RABGAP1L: variants seen among roughly 807,000 people sequenced by gnomAD.
RABGAP1L encodes rab GTPase-activating protein 1-like.
Under a neutral mutation model 137.7 loss-of-function variants are expected in RABGAP1L, and 63 were observed. That is an observed-to-expected ratio of 0.46 (90% CI 0.37 to 0.56). RABGAP1L has a LOEUF of 0.56. Ranked by LOEUF, RABGAP1L falls within the 20% of genes least tolerant of loss-of-function variation. The pLI, the probability that RABGAP1L is intolerant of heterozygous loss-of-function variation, is 0.00. For synonymous variants in RABGAP1L, 431 were observed against 433.7 expected, an observed-to-expected ratio of 0.99 and a Z score of 0.08; for missense variants, 1,095 against 1,244.0, an observed-to-expected ratio of 0.88 and a Z score of 1.80.
chr1:174,254,541 T>C (rs1672962508), intron 7 of RABGAP1L, among the ~76,000 whole-genome samples: 1 of 152,164 alleles, frequency 6.6e-6, no homozygotes, highest in Non-Finnish European at 1.5e-5. Flanking sequence ...CTTGTGTCCA[T>C]GTGTTCTCAT....
At chr1:174,260,357 A>C (rs1471296683) in intron 7 of RABGAP1L, among the ~76,000 whole-genome samples, 1 of 152,218 alleles carries the variant, frequency 6.6e-6, no homozygotes, top group East Asian at 1.9e-4. Flanking sequence ...TTTTCAGCAG[A>C]ATTTAAAAGT....
At chr1:174,500,178 C>T (rs1400306843) in intron 13 of RABGAP1L, among the ~76,000 whole-genome samples, 1 of 151,692 alleles carries the variant, frequency 6.6e-6, no homozygotes, top group Admixed American at 6.6e-5. Flanking sequence ...CTCCCGGGTT[C>T]AAGCGATTCT....
At chr1:174,662,121 T>TTTTTTTTTTTTTTTTTG (rs59243192) in intron 14 of RABGAP1L, among the ~76,000 whole-genome samples, 1 of 135,224 alleles carries the variant, frequency 7.4e-6, no homozygotes, top group African/African-American at 3.0e-5. Flanking sequence ...TTTTTTTTTT[T>TTTTTTTTTTTTTTTTTG]GAGTTGGAGT....
At chr1:174,212,273 A>C (rs902580937) in intron 1 of RABGAP1L, among the ~76,000 whole-genome samples, 1 of 152,118 alleles carries the variant, frequency 6.6e-6, no homozygotes, top group Admixed American at 6.5e-5. Flanking sequence ...AATATCAAGC[A>C]TTGTCTCTGA....
At chr1:174,259,769 A>G (rs1571819832) in intron 7 of RABGAP1L, among the ~76,000 whole-genome samples, 2 of 152,072 alleles carry the variant, frequency 1.3e-5, no homozygotes, top group Admixed American at 1.3e-4. Context: ...TTTAATGAAC[A>G]CTTACTATTT....
At chr1:174,238,478 C>T (rs1303668168) in intron 4 of RABGAP1L, among the ~76,000 whole-genome samples, 2 of 152,040 alleles carry the variant, frequency 1.3e-5, no homozygotes, top group East Asian at 3.9e-4. Flanking sequence ...TTTAGTTTTC[C>T]TTCTAATAGA....
chr1:174,924,497 G>A (rs763003463), intron 19 of RABGAP1L, among the ~76,000 whole-genome samples: 2 of 151,598 alleles, frequency 1.3e-5, no homozygotes, highest in African/African-American at 2.4e-5. Context: ...TGAAATAAAT[G>A]GCATTTATGG....
intron 18 of RABGAP1L, among the ~76,000 whole-genome samples, chr1:174,767,001 A>C (rs1468995817): frequency 6.6e-6 from 1 of 152,210 alleles, no homozygotes; most frequent in African/African-American, 2.4e-5. Context: ...TTTAGACAAC[A>C]ACTTAACTTT....
intron 13 of RABGAP1L, among the ~76,000 whole-genome samples, chr1:174,399,909 A>C (rs774057734): frequency 6.6e-5 from 10 of 152,148 alleles, no homozygotes; most frequent in Admixed American, 6.6e-5. Context: ...GGGAACTACA[A>C]TTCAAATGAG....
chr1:174,911,652 A>T (rs1056914911), intron 19 of RABGAP1L, among the ~76,000 whole-genome samples: 3 of 152,214 alleles, frequency 2.0e-5, no homozygotes, highest in African/African-American at 7.2e-5. Context: ...TTGTTATAGA[A>T]GTTAAAGCTC....
chr1:174,777,957 G>A (rs934011121), intron 18 of RABGAP1L, among the ~76,000 whole-genome samples: 1 of 152,162 alleles, frequency 6.6e-6, no homozygotes, highest in Non-Finnish European at 1.5e-5. Flanking sequence ...GAAAGGATGG[G>A]AGTGAATGGT....
At chr1:174,430,078 A>G (rs971615843) in intron 13 of RABGAP1L, among the ~76,000 whole-genome samples, 3 of 152,158 alleles carry the variant, frequency 2.0e-5, no homozygotes, top group Admixed American at 6.5e-5. Context: ...AATTTGGGCT[A>G]CTTCTTAGCT....
At chr1:174,491,980 C>T (rs1158357551) in intron 13 of RABGAP1L, among the ~76,000 whole-genome samples, 1 of 152,136 alleles carries the variant, frequency 6.6e-6, no homozygotes, top group African/African-American at 2.4e-5. Flanking sequence ...GTTGGCAGTT[C>T]AAGACTTTTT....
chr1:174,987,239 A>T (rs546255382), intron 24 of RABGAP1L, among the ~76,000 whole-genome samples: 126 of 151,534 alleles, frequency 8.3e-4, no homozygotes, highest in Non-Finnish European at 1.2e-3. Flanking sequence ...CGATCTCGGC[A>T]CACTGCAAGC....
At chr1:174,710,435 G>A (rs988504975) in intron 17 of RABGAP1L, among the ~76,000 whole-genome samples, 12 of 152,090 alleles carry the variant, frequency 7.9e-5, no homozygotes, top group African/African-American at 1.4e-4. Context: ...GAGAAAGGTC[G>A]GGTTACTCAC....
At chr1:174,783,030 G>A (rs1687139458) in intron 18 of RABGAP1L, among the ~76,000 whole-genome samples, 1 of 152,040 alleles carries the variant, frequency 6.6e-6, no homozygotes, top group African/African-American at 2.4e-5. Flanking sequence ...CACTCTTTTG[G>A]TCCATGTTTG....
chr1:174,174,961 A>G (rs1485916725), intron 1 of RABGAP1L, among the ~76,000 whole-genome samples: 1 of 152,220 alleles, frequency 6.6e-6, no homozygotes, highest in South Asian at 2.1e-4. Context: ...AGTTTAGTCA[A>G]GTTGACAACT....
intron 19 of RABGAP1L, among the ~76,000 whole-genome samples, chr1:174,883,360 A>AT (rs1473263410): frequency 6.6e-6 from 1 of 152,196 alleles, no homozygotes; most frequent in African/African-American, 2.4e-5. Flanking sequence ...TAATCAGACT[A>AT]TTTGAAGAAG....
intron 13 of RABGAP1L, among the ~76,000 whole-genome samples, chr1:174,414,725 C>G (rs1053636328): frequency 6.6e-6 from 1 of 151,972 alleles, no homozygotes; most frequent in Non-Finnish European, 1.5e-5. Flanking sequence ...TAATTGAAGT[C>G]TTACTTTTTT....
Sources: allele counts gnomAD v4.1 joint callset (sites outside exome capture counted in the v4.1 genomes callset), GRCh38; gene constraint gnomAD v4.1.1; transcripts MANE v1.5; gene names NCBI Gene and HGNC (gene_info 2026-07-23, HGNC 2026-07-21).